FAM161B: variants seen among roughly 807,000 people sequenced by gnomAD.
FAM161B encodes the protein FAM161 centrosomal protein B.
A neutral mutation model predicts 61.5 loss-of-function variants in FAM161B; 46 were observed. That is an observed-to-expected ratio of 0.75 (90% CI 0.59 to 0.96). FAM161B has a LOEUF of 0.96. FAM161B is among the 40% of genes least tolerant of loss of function. The pLI is 0.00. For missense variants in FAM161B, 774 were observed against 800.7 expected, an observed-to-expected ratio of 0.97 and a Z score of 0.40; for synonymous variants, 284 against 302.7, an observed-to-expected ratio of 0.94 and a Z score of 0.64.
chr14:73,942,427 G>A lies in FAM161B; in HGVS notation c.1214C>T (p.Thr405Ile). The part of the protein sequence containing the change: ...ATRNKPFLLR[T>I]ANLRHPQRPC... ...CCGCTGAGGGTGGCGCAGGTTGGCG[G>A]TCCTCAGCAAGAAGGGCTTGTTGCG... Residue 405 changes from threonine (T) to isoleucine (I), a missense_variant, in exon 4 of 9, where the codon ACC becomes ATC. Thr to Ile is a moderately conservative substitution (Grantham distance 89). Coordinates refer to ENST00000286544, the MANE Select transcript of FAM161B (RefSeq NM_152445.3). 6.2e-7 allele frequency: 1 copy of A among 1,614,198 alleles called. No individual in the cohort carries two copies. Among genetic ancestry groups the A allele is most frequent in the East Asian group, 2.2e-5 (1 of 44,890 alleles).
intron 8 of FAM161B, among the ~76,000 whole-genome samples, chr14:73,935,057 G>A (rs555076017): frequency 1.7e-4 from 20 of 118,556 alleles, no homozygotes; most frequent in Non-Finnish European, 2.7e-4. Flanking sequence ...GCAAGACTCC[G>A]TCTCAAAAAA....
chr14:73,939,578 C>T (rs780392364), intron 5 of FAM161B, among the ~76,000 whole-genome samples: 2 of 152,176 alleles, frequency 1.3e-5, no homozygotes, highest in Non-Finnish European at 2.9e-5. Context: ...CCTCTGACTC[C>T]GAAGCCTCTG....
chr14:73,923,152 AAAAG>A, the FAM161B span, among the ~76,000 whole-genome samples: 1 of 152,192 alleles, frequency 6.6e-6, no homozygotes, highest in Non-Finnish European at 1.5e-5. Context: ...TAATTCAGTT[AAAAG>A]TGCTAACACC....
Position 73,946,261 on chromosome 14 carries a change from C to T in FAM161B, c.374+25G>A. 5.6e-6 allele frequency: 9 copies of T among 1,598,680 alleles called. No homozygotes were observed. The South Asian group carries it at 1.0e-4, about 18-fold the overall frequency. Reference sequence around the variant, plus strand: ...ACCTGTGTGGAGGTGTGGAGTGAGGCAGCCGTGGAGCTGCAGTGCCTTACC... The same window carrying T: ...ACCTGTGTGGAGGTGTGGAGTGAGGTAGCCGTGGAGCTGCAGTGCCTTACC... On this transcript the variant is annotated intron_variant, in intron 2 of 8. Coordinates refer to ENST00000286544, the MANE Select transcript of FAM161B (RefSeq NM_152445.3).
chr14:73,949,967 C>G lies in FAM161B; in HGVS notation c.54+6G>C, dbSNP rs746202361. The stretch of plus-strand genomic sequence containing the variant: ...TTCCCGGGGGCAGTCTCTTTTCTCT[C>G]CTCACCTGACGGCTCCCCTCCGCGC... On this transcript the variant is annotated splice_donor_region_variant and intron_variant, in intron 1 of 8. Transcript: ENST00000286544. 1.2e-6 allele frequency: 2 copies of G among 1,613,610 alleles called. No homozygotes were observed. Among genetic ancestry groups the G allele is most frequent in the Non-Finnish European group, 1.7e-6 (2 of 1,179,998 alleles).
At chr14:73,929,937 G>C (rs377030387), downstream of FAM161B, among the ~76,000 whole-genome samples, 24 of 152,234 alleles carry the variant, frequency 1.6e-4, no homozygotes, top group East Asian at 2.5e-3. Context: ...ATTAGATGGA[G>C]GACTCATTGC....
the FAM161B span, chr14:73,924,898 C>T: frequency 9.6e-6 from 3 of 313,082 alleles, no homozygotes; most frequent in South Asian, 4.9e-5. Flanking sequence ...AGGATGGTCT[C>T]GATCTCTTGA....
At chr14:73,939,542 G>A (rs1453027491) in intron 5 of FAM161B, among the ~76,000 whole-genome samples, 4 of 152,188 alleles carry the variant, frequency 2.6e-5, no homozygotes, top group Admixed American at 1.3e-4. Flanking sequence ...CAGCATGCCA[G>A]TGGAAAAGCC....
rs376041378 is a variant in FAM161B at position 73,950,065 on chromosome 14, A to G, written c.-39T>C. On this transcript the variant is annotated 5_prime_UTR_variant, in exon 1 of 9. Transcript: ENST00000286544. ...AGGCAGCAGCGACAGTGACAGCGAT[A>G]GTGGCAGCAGCGGTGGCAGCGAGAG... The G allele has an allele frequency of 5.0e-5, 81 of 1,608,978 alleles. No individual in the cohort carries two copies. The African/African-American group carries it at 8.9e-4, about 18-fold the overall frequency.
intron 6 of FAM161B, 120 bp downstream of exon 6, chr14:73,937,828 C>T: frequency 1.3e-6 from 2 of 1,555,596 alleles, no homozygotes; most frequent in Middle Eastern, 1.7e-4. Flanking sequence ...AATCATGACC[C>T]TGCTGTGATT....
At chr14:73,935,350 A>T (rs2055962402) in intron 8 of FAM161B, among the ~76,000 whole-genome samples, 1 of 151,990 alleles carries the variant, frequency 6.6e-6, no homozygotes, top group Non-Finnish European at 1.5e-5. Context: ...ACATGGTGAA[A>T]CCCCGTCTCT....
At chr14:73,936,181 C>A in intron 7 of FAM161B, 93 bp from the exon 8 acceptor site, 2 of 1,328,690 alleles carry the variant, frequency 1.5e-6, no homozygotes, top group Non-Finnish European at 2.0e-6. Context: ...ACTGCCACAA[C>A]CACCACCACC....
At chr14:73,939,351 C>T (rs560235040) in intron 5 of FAM161B, among the ~76,000 whole-genome samples, 8 of 152,286 alleles carry the variant, frequency 5.3e-5, no homozygotes, top group South Asian at 2.1e-4. Context: ...AATAGGTCTT[C>T]GCCTATCTGG....
chr14:73,931,560 G>C (rs2055915909), downstream of FAM161B: 7 of 1,609,902 alleles, frequency 4.3e-6, no homozygotes, highest in East Asian at 1.6e-4. Flanking sequence ...GCTGACTCCT[G>C]GAAGAGCAAC....
At chr14:73,926,491 T>C in the FAM161B span, among the ~76,000 whole-genome samples, 1 of 152,148 alleles carries the variant, frequency 6.6e-6, no homozygotes, top group Non-Finnish European at 1.5e-5. Context: ...AAGAGTGCAG[T>C]GGCGTGATCT....
the FAM161B span, chr14:73,923,455 TGGTGACCATGCAGTCA>T: frequency 1.2e-6 from 2 of 1,614,106 alleles, no homozygotes; most frequent in Non-Finnish European, 8.5e-7. Context: ...ACACATCACC[TGGTGACCATGCAGTCA>T]GGGAGGCAAT....
downstream of FAM161B, among the ~76,000 whole-genome samples, chr14:73,928,942 A>G (rs765041636): frequency 1.8e-4 from 27 of 152,162 alleles, no homozygotes; most frequent in Non-Finnish European, 3.5e-4. Flanking sequence ...TCCTATCCCA[A>G]AAATCAAACA....
chr14:73,923,703 G>C, the FAM161B span, among the ~76,000 whole-genome samples: 1 of 152,196 alleles, frequency 6.6e-6, no homozygotes, highest in Non-Finnish European at 1.5e-5. Context: ...TTAATGAATT[G>C]GAGATTGGTC....
Position 73,936,082 on chromosome 14 carries a change from C to A in FAM161B, c.1672G>T (p.Ala558Ser). ...TACCACTGTTCTGCTTCTTTCTTGGCTAGATCCTGTGGGATGGAAATTAAT... is the reference window on the plus strand; with the variant it reads ...TACCACTGTTCTGCTTCTTTCTTGGATAGATCCTGTGGGATGGAAATTAAT... ...YLFEQVAKDL[A>S]KKEAEQWYLD... is the part of the protein sequence containing the mutation. Residue 558 changes from alanine (A) to serine (S), a missense_variant, in exon 8 of 9, where the codon GCC (alanine) becomes TCC (serine). Transcript: ENST00000286544. The A allele has an allele frequency of 6.2e-7, 1 of 1,605,480 alleles. No homozygotes were observed. The highest frequency in any genetic ancestry group is 8.5e-7 in the Non-Finnish European group (1 of 1,175,382).
Sources: gnomAD v4.1 joint callset for allele counts (sites outside exome capture counted in the v4.1 genomes callset) on GRCh38, gnomAD v4.1.1 for gene constraint, MANE v1.5 for transcripts, NCBI Gene and HGNC (gene_info 2026-07-23, HGNC 2026-07-21) for gene names.